CCSAP: variants seen among roughly 807,000 people sequenced by gnomAD.
CCSAP encodes centriole, cilia and spindle associated protein.
In CCSAP, 17 loss-of-function variants were observed where a neutral mutation model predicts 25.9. The ratio of observed to expected loss-of-function variants is 0.66; its 90% CI spans 0.45 to 0.99. The LOEUF is 0.99. Among genes scored for constraint, CCSAP ranks in the 50% least tolerant of loss-of-function variants. The probability of loss-of-function intolerance (pLI) is 0.00; values close to 1 mark genes in which losing one functional copy is unlikely to be tolerated. For missense variants in CCSAP, 339 were observed against 367.8 expected (o/e 0.92, Z 0.64); for synonymous variants, 169 against 157.1 (o/e 1.08, Z -0.57).
intron 3 of CCSAP, among the ~76,000 whole-genome samples, 199 bp from the exon 4 acceptor site, chr1:229,325,610 A>G (rs1285850235): frequency 1.3e-5 from 2 of 152,240 alleles, no homozygotes; most frequent in Admixed American, 6.5e-5. Flanking sequence ...CACTTGATTC[A>G]TATCAGGGAT....
At position 229,325,387 on chromosome 1, in the gene CCSAP, T is replaced by C; in HGVS notation, c.661A>G (p.Lys221Glu). Reference protein sequence around the residue: ...HEIHESALRAKNRRQVEKRKL... With the variant: ...HEIHESALRAENRRQVEKRKL... ...CTTTTTTCCACCTGTCTTCTGTTCT[T>C]GGCTCGTAATGCTGATTCATGAATC... is the stretch of plus-strand genomic sequence containing the variant. The change falls in exon 4 of 4, where the codon AAG (lysine) becomes GAG (glutamate). Residue 221 changes from lysine to glutamate, a missense_variant. Lys to Glu is a moderately conservative substitution (Grantham distance 56). Transcript: ENST00000284617. 1 of 1,613,774 alleles carries C rather than the reference T, an allele frequency of 6.2e-7. No individual in the cohort carries two copies. Among genetic ancestry groups the C allele is most frequent in the Non-Finnish European group, 8.5e-7 (1 of 1,179,948 alleles).
chr1:229,333,154 C>T lies in CCSAP; in HGVS notation c.368-6148G>A, dbSNP rs186728251. 3.3e-4 allele frequency among the ~76,000 whole-genome samples: 51 copies of T among 152,252 alleles called. No individual in the cohort carries two copies. In the East Asian group the frequency reaches 7.9e-3, roughly 24 times the overall value. On this transcript the variant is annotated intron_variant, in intron 2 of 3. Transcript: ENST00000284617. Reference sequence around the variant, plus strand: ...TTGAAACTTAAAAACATTTCTAGGCCGGGCGCGGTGGCTCACGCCTATAAT... The same window carrying T: ...TTGAAACTTAAAAACATTTCTAGGCTGGGCGCGGTGGCTCACGCCTATAAT...
Position 229,321,531 on chromosome 1 carries a change from A to G in CCSAP, c.*3704T>C, listed in dbSNP as rs776534552. On this transcript the variant is annotated 3_prime_UTR_variant, in exon 4 of 4. Coordinates refer to ENST00000284617, the MANE Select transcript of CCSAP (RefSeq NM_145257.5). The stretch of plus-strand genomic sequence containing the variant: ...TTTTAAGATCACTCTTTAAAATATC[A>G]TTTTACTGATCACAAAATTATATAA... The G allele has an allele frequency of 1.3e-4, 20 of 152,204 alleles. No individual in the cohort carries two copies. The highest frequency in any genetic ancestry group is 2.6e-4 in the Non-Finnish European group (18 of 68,032). 9.4% of individuals were successfully genotyped at this position (152,204 alleles called of 1,614,324 possible).
At chr1:229,341,324 CCTCA>C (rs775245755) in intron 2 of CCSAP, among the ~76,000 whole-genome samples, 4 of 152,114 alleles carry the variant, frequency 2.6e-5, no homozygotes, top group Non-Finnish European at 4.4e-5. Flanking sequence ...TCCATGTTTT[CCTCA>C]CTCGAGCCTT....
chr1:229,328,985 G>A (rs1658007382), intron 2 of CCSAP, among the ~76,000 whole-genome samples: 1 of 152,204 alleles, frequency 6.6e-6, no homozygotes, highest in Non-Finnish European at 1.5e-5. Flanking sequence ...CATTTCATGA[G>A]ACGATATCCA....
chr1:229,337,783 A>T (rs942730607), intron 2 of CCSAP, among the ~76,000 whole-genome samples: 1 of 148,188 alleles, frequency 6.7e-6, no homozygotes, highest in Admixed American at 6.8e-5. Flanking sequence ...TAGAATACCT[A>T]ATATGTCTGA....
At chr1:229,326,144 C>T (rs1258470817) in intron 3 of CCSAP, among the ~76,000 whole-genome samples, 4 of 152,146 alleles carry the variant, frequency 2.6e-5, no homozygotes, top group Non-Finnish European at 4.4e-5. Context: ...GAAATGTTTC[C>T]GGGTCTTGAC....
In CCSAP at chr1:229,324,316, A is replaced by C; in HGVS notation, c.*919T>G. 6.6e-6 allele frequency: 1 copy of C among 152,218 alleles called. No individual in the cohort carries two copies. Among genetic ancestry groups the C allele is most frequent in the Admixed American group, 6.6e-5 (1 of 15,250 alleles). The allele number at this position is 152,218 out of a possible 1,614,324, so 9.4% of individuals were successfully genotyped here. A position where few individuals can be genotyped will look rare whatever the true frequency, so the allele number is the denominator to read the frequency against. On this transcript the variant is annotated 3_prime_UTR_variant, in exon 4 of 4. Transcript: ENST00000284617. ...GCCAATGTACCAAGTGCAATTCCAG[A>C]TTGTAAGTTTGAAATGTCATTGCCA...
chr1:229,337,282 G>C (rs1303590095), intron 2 of CCSAP, among the ~76,000 whole-genome samples: 1 of 151,642 alleles, frequency 6.6e-6, no homozygotes, highest in African/African-American at 2.4e-5. Context: ...ACAAACATAG[G>C]GGGGTCACAC....
chr1:229,329,647 A>G (rs1190647020), intron 2 of CCSAP, among the ~76,000 whole-genome samples: 2 of 152,170 alleles, frequency 1.3e-5, no homozygotes, highest in Non-Finnish European at 1.5e-5. Context: ...CCAGTTAGAA[A>G]AACACACCGA....
chr1:229,339,806 T>C (rs1319394637), intron 2 of CCSAP, among the ~76,000 whole-genome samples: 1 of 152,188 alleles, frequency 6.6e-6, no homozygotes, highest in Non-Finnish European at 1.5e-5. Flanking sequence ...TGAGTAACTT[T>C]TTCCATGGGC....
At chr1:229,335,714 C>G (rs1213798512) in intron 2 of CCSAP, among the ~76,000 whole-genome samples, 1 of 152,198 alleles carries the variant, frequency 6.6e-6, no homozygotes, top group Non-Finnish European at 1.5e-5. Context: ...AGAGGTCATG[C>G]ATGTGAGGGT....
At chr1:229,333,632 C>T (rs1395588773) in intron 2 of CCSAP, among the ~76,000 whole-genome samples, 2 of 152,054 alleles carry the variant, frequency 1.3e-5, no homozygotes, top group African/African-American at 2.4e-5. Context: ...GTAATCCCAG[C>T]ACTTTGGGAA....
At chr1:229,332,008 A>C (rs1203996140) in intron 2 of CCSAP, among the ~76,000 whole-genome samples, 1 of 151,402 alleles carries the variant, frequency 6.6e-6, no homozygotes, top group Non-Finnish European at 1.5e-5. Flanking sequence ...ACACCCGGCT[A>C]ATTTTTGTAT....
At chr1:229,327,397 C>T in intron 2 of CCSAP, 1 of 389,784 alleles carries the variant, frequency 2.6e-6, no homozygotes, top group South Asian at 1.8e-5. Context: ...TGTGGTCATC[C>T]TCCAGCAGCT....
rs1658190610 is a variant in CCSAP, at chr1:229,336,173, T to C, written c.367+5926A>G. Among the ~76,000 whole-genome samples the C allele has an allele frequency of 3.4e-5, 5 of 148,810 alleles. No homozygotes were observed. In the South Asian group the frequency reaches 1.1e-3, roughly 32 times the overall value. On this transcript the variant is annotated intron_variant, in intron 2 of 3. Coordinates refer to ENST00000284617, the MANE Select transcript of CCSAP (RefSeq NM_145257.5). Reference sequence around the variant, plus strand: ...TCTCTCCCAGATACCAAGGGACAACTGTTTTTACTAGTTTTAAGCTACTAA... The same window carrying C: ...TCTCTCCCAGATACCAAGGGACAACCGTTTTTACTAGTTTTAAGCTACTAA...
chr1:229,335,493 C>G (rs1293216559), intron 2 of CCSAP, among the ~76,000 whole-genome samples: 1 of 152,202 alleles, frequency 6.6e-6, no homozygotes, highest in Non-Finnish European at 1.5e-5. Flanking sequence ...GGGTCCTCCC[C>G]TTGAACCTGG....
At chr1:229,326,615 C>T in intron 3 of CCSAP, 123 bp downstream of exon 3, 1 of 1,141,940 alleles carries the variant, frequency 8.8e-7, no homozygotes, top group East Asian at 2.4e-5. Flanking sequence ...CCATGCTATC[C>T]CCTAAGATCT....
rs71173714 is a variant in CCSAP, at chr1:229,331,831, T to TA, written c.368-4826_368-4825insT. 5.4e-5 allele frequency among the ~76,000 whole-genome samples: 8 copies of TA among 147,180 alleles called. No individual in the cohort carries two copies. In the South Asian group the frequency reaches 1.5e-3, roughly 27 times the overall value. ...TTATTATTATTATTATTATTATTAT[T>TA]TTGAGACAGAATGTTGCTCTGTTGC... is the stretch of plus-strand genomic sequence containing the variant. On this transcript the variant is annotated intron_variant, in intron 2 of 3. Coordinates refer to ENST00000284617, the MANE Select transcript of CCSAP (RefSeq NM_145257.5).
Sources: allele counts gnomAD v4.1 joint callset (sites outside exome capture counted in the v4.1 genomes callset), GRCh38; gene constraint gnomAD v4.1.1; transcripts MANE v1.5; gene names NCBI Gene and HGNC (gene_info 2026-07-23, HGNC 2026-07-21).